The following PIK3C2G variants were observed in gnomAD, a reference collection of about 807,000 sequenced individuals.
PIK3C2G encodes phosphatidylinositol-4-phosphate 3-kinase catalytic subunit type 2 gamma, also known as phosphatidylinositol 3-kinase C2 domain-containing subunit gamma.
PIK3C2G carries 168 observed loss-of-function variants against 181.1 expected under a neutral mutation model. The observed-to-expected ratio is 0.93, with a 90% CI of 0.82 to 1.05. The LOEUF is 1.05. Among genes scored for constraint, PIK3C2G ranks in the 50% least tolerant of loss-of-function variants. The pLI, the probability that PIK3C2G is intolerant of heterozygous loss-of-function variation, is 0.00. For synonymous variants in PIK3C2G, 573 were observed against 592.2 expected (o/e 0.97, Z 0.47); for missense variants, 1,869 against 1,732.8 (o/e 1.08, Z -1.40).
Position 18,348,258 on chromosome 12 carries a change from CAT to C in PIK3C2G, c.1625+1425_1625+1426del, listed in dbSNP as rs200519066. 4.4e-3 allele frequency among the ~76,000 whole-genome samples: 662 copies of C among 151,446 alleles called. 1 individual carries two copies. Among genetic ancestry groups the C allele is most frequent in the African/African-American group, 0.014 (587 of 41,308 alleles). The stretch of plus-strand genomic sequence containing the variant: ...GTAAATGCAAAATGTAAAATATATA[CAT>C]ATGTGTGTAAATATACATATGCGTG... On this transcript the variant is annotated intron_variant, in intron 11 of 32. Transcript: ENST00000538779.
intron 1 of PIK3C2G, among the ~76,000 whole-genome samples, chr12:18,265,223 G>A (rs1051887028): frequency 6.6e-6 from 1 of 152,020 alleles, no homozygotes; most frequent in Non-Finnish European, 1.5e-5. Context: ...TCTCAAATAT[G>A]TCCTTGATAC....
At chr12:18,255,644 G>T (rs1488271781) in intron 1 of PIK3C2G, among the ~76,000 whole-genome samples, 1 of 152,096 alleles carries the variant, frequency 6.6e-6, no homozygotes, top group Admixed American at 6.5e-5. Flanking sequence ...ATCAGGCATC[G>T]TTCCTCTCCA....
chr12:18,663,579 C>T, the PIK3C2G span, among the ~76,000 whole-genome samples: 79,174 of 151,672 alleles, frequency 0.52, 21,793 homozygotes, highest in South Asian at 0.67. Flanking sequence ...AAAGGATGAC[C>T]TTGTAAAAAT....
chr12:18,384,407 G>A (rs1053541314), intron 14 of PIK3C2G, among the ~76,000 whole-genome samples: 1 of 152,138 alleles, frequency 6.6e-6, no homozygotes, highest in African/African-American at 2.4e-5. Context: ...TAGGCCTGTG[G>A]GGTGTGTAAG....
At chr12:18,598,816 C>G (rs928076349) in intron 30 of PIK3C2G, among the ~76,000 whole-genome samples, 1 of 151,512 alleles carries the variant, frequency 6.6e-6, no homozygotes, top group Non-Finnish European at 1.5e-5. Context: ...AAACAAACAA[C>G]CCCATCAAAA....
chr12:18,306,798 T>A (rs1200230340), intron 5 of PIK3C2G, among the ~76,000 whole-genome samples: 1 of 151,976 alleles, frequency 6.6e-6, no homozygotes, highest in Non-Finnish European at 1.5e-5. Context: ...TGAATTTTCT[T>A]AAAGAAATAC....
rs750864969 is a variant in PIK3C2G, at chr12:18,497,635, G to A, written c.2903G>A (p.Arg968His). Residue 968 changes from arginine to histidine, a missense_variant, in exon 22 of 33, where the codon CGT becomes CAT. Coordinates refer to ENST00000538779, the MANE Select transcript of PIK3C2G (RefSeq NM_001288772.2). ...TTTTAACAGGCTGGAGATGATCTTC[G>A]TCAGGATATGCTTGTTCTGCAGCTT... ...SIIFKAGDDL[R>H]QDMLVLQLIQ... 53 of 1,612,088 alleles carry A rather than the reference G, an allele frequency of 3.3e-5. No homozygotes were observed. The highest frequency in any genetic ancestry group is 1.1e-4 in the African/African-American group (8 of 74,832).
chr12:18,588,671 G>A (rs1946914669), intron 29 of PIK3C2G, among the ~76,000 whole-genome samples: 1 of 152,076 alleles, frequency 6.6e-6, no homozygotes, highest in Non-Finnish European at 1.5e-5. Context: ...GCCCATTGTG[G>A]AAAGCAGTAT....
the PIK3C2G span, among the ~76,000 whole-genome samples, chr12:18,722,191 C>G: frequency 2.5e-5 from 3 of 122,296 alleles, no homozygotes; most frequent in African/African-American, 6.2e-5. Context: ...AACTAGGCCT[C>G]CCAGGTCATT....
intron 18 of PIK3C2G, among the ~76,000 whole-genome samples, chr12:18,434,729 A>C (rs2135784780): frequency 6.6e-6 from 1 of 152,318 alleles, no homozygotes; most frequent in South Asian, 2.1e-4. Context: ...ACAACAGCAT[A>C]GATTATTCAA....
chr12:18,417,691 T>C (rs935533512), intron 16 of PIK3C2G, among the ~76,000 whole-genome samples: 1 of 152,232 alleles, frequency 6.6e-6, no homozygotes, highest in East Asian at 1.9e-4. Context: ...TTTGACATAA[T>C]GCTATTACAC....
intron 31 of PIK3C2G, among the ~76,000 whole-genome samples, chr12:18,634,878 G>T (rs1332562968): frequency 6.6e-6 from 1 of 150,382 alleles, no homozygotes; most frequent in Admixed American, 6.6e-5. Flanking sequence ...CTTTTTTTTT[G>T]CCCATTTAGA....
At chr12:18,404,010 T>G (rs1944388896) in intron 16 of PIK3C2G, among the ~76,000 whole-genome samples, 2 of 152,162 alleles carry the variant, frequency 1.3e-5, no homozygotes, top group African/African-American at 4.8e-5. Flanking sequence ...GAAGCTTAAA[T>G]AAAAATTTGA....
chr12:18,538,124 T>C (rs1943956190), intron 24 of PIK3C2G, 32 bp from the exon 25 acceptor site: 1 of 1,588,438 alleles, frequency 6.3e-7, no homozygotes, highest in African/African-American at 1.4e-5. Context: ...TTTCTCTTCC[T>C]TCGAATGATT....
chr12:18,438,559 G>A (rs1946569326), intron 18 of PIK3C2G, among the ~76,000 whole-genome samples: 3 of 151,788 alleles, frequency 2.0e-5, no homozygotes, highest in African/African-American at 4.8e-5. Flanking sequence ...CAATTCTTTA[G>A]TCTCCATTTC....
chr12:18,455,313 T>C (rs1233988298), intron 18 of PIK3C2G, among the ~76,000 whole-genome samples: 1 of 151,486 alleles, frequency 6.6e-6, no homozygotes, highest in East Asian at 2.0e-4. Context: ...CATCAGAAGA[T>C]GCCTCCCACC....
intron 5 of PIK3C2G, among the ~76,000 whole-genome samples, chr12:18,313,315 A>G (rs1950717135): frequency 6.6e-6 from 1 of 152,188 alleles, no homozygotes. Context: ...GAAATATAAC[A>G]GTGCCAGTAG....
At chr12:18,667,168 G>T in the PIK3C2G span, among the ~76,000 whole-genome samples, 1 of 152,102 alleles carries the variant, frequency 6.6e-6, no homozygotes, top group Non-Finnish European at 1.5e-5. Flanking sequence ...CATGATGAGG[G>T]TTGCCACCAT....
chr12:18,473,302 T>A (rs1053401724), intron 18 of PIK3C2G, among the ~76,000 whole-genome samples: 1 of 152,240 alleles, frequency 6.6e-6, no homozygotes, highest in African/African-American at 2.4e-5. Context: ...TGTTGTTGTT[T>A]AATTTCACAT....
Sources: gnomAD v4.1 joint callset for allele counts (sites outside exome capture counted in the v4.1 genomes callset) on GRCh38, gnomAD v4.1.1 for gene constraint, MANE v1.5 for transcripts, NCBI Gene and HGNC (gene_info 2026-07-23, HGNC 2026-07-21) for gene names.